Variants in PIK3C3 observed in about 807,000 individuals in gnomAD.
PIK3C3 encodes the protein phosphatidylinositol 3-kinase catalytic subunit type 3.
In PIK3C3, 95 loss-of-function variants were observed where a neutral mutation model predicts 126.1. The observed-to-expected ratio is 0.75, with a 90% CI of 0.64 to 0.89. The LOEUF (loss-of-function observed/expected upper bound fraction) is 0.89. Among genes scored for constraint, PIK3C3 ranks in the 40% least tolerant of loss-of-function variants. The probability of loss-of-function intolerance (pLI) is 0.00; values close to 1 mark genes in which losing one functional copy is unlikely to be tolerated. For synonymous variants in PIK3C3, 374 were observed against 360.0 expected (o/e 1.04, Z -0.44); for missense variants, 829 against 1,063.2 (o/e 0.78, Z 3.06).
At chr18:42,058,816 T>C (rs1017640198) in intron 22 of PIK3C3, among the ~76,000 whole-genome samples, 1 of 152,202 alleles carries the variant, frequency 6.6e-6, no homozygotes, top group Non-Finnish European at 1.5e-5. Flanking sequence ...AATGACAGGA[T>C]CATTTGACTC....
intron 21 of PIK3C3, among the ~76,000 whole-genome samples, chr18:42,055,457 C>G (rs1471710527): frequency 1.3e-5 from 2 of 151,888 alleles, no homozygotes; most frequent in African/African-American, 4.8e-5. Context: ...ATAGGTTTTG[C>G]TATAAGAATA....
chr18:42,074,151 A>C (rs1026094832), intron 24 of PIK3C3, among the ~76,000 whole-genome samples: 1 of 152,120 alleles, frequency 6.6e-6, no homozygotes, highest in Non-Finnish European at 1.5e-5. Context: ...AAATGTTTAG[A>C]TATACTTACA....
At chr18:42,050,411 T>G (rs1984750906) in intron 21 of PIK3C3, 2 of 152,226 alleles carry the variant, frequency 1.3e-5, no homozygotes, top group South Asian at 4.1e-4. Flanking sequence ...CTCAGTCCAT[T>G]TCATTAACTT....
chr18:42,011,149 G>A (rs1465601066), intron 10 of PIK3C3, among the ~76,000 whole-genome samples: 9 of 152,178 alleles, frequency 5.9e-5, no homozygotes, highest in East Asian at 1.9e-4. Flanking sequence ...TAGATGTAGC[G>A]TAATTCTTAA....
chr18:42,053,405 A>G (rs1056504065), intron 21 of PIK3C3, among the ~76,000 whole-genome samples: 1 of 152,148 alleles, frequency 6.6e-6, no homozygotes, highest in African/African-American at 2.4e-5. Flanking sequence ...CATAAATGTA[A>G]AAGTGTAGCG....
intron 6 of PIK3C3, among the ~76,000 whole-genome samples, chr18:41,990,884 G>A (rs1354608146): frequency 6.6e-6 from 1 of 152,112 alleles, no homozygotes; most frequent in Admixed American, 6.6e-5. Flanking sequence ...AAAATGAAAG[G>A]GGGAAATTAT....
intron 24 of PIK3C3, among the ~76,000 whole-genome samples, chr18:42,072,333 G>A (rs983587377): frequency 6.6e-6 from 1 of 152,096 alleles, no homozygotes; most frequent in African/African-American, 2.4e-5. Flanking sequence ...AAGACTAAGA[G>A]TTACTAGATA....
At chr18:42,023,660 C>T (rs537896345) in intron 13 of PIK3C3, among the ~76,000 whole-genome samples, 2 of 152,196 alleles carry the variant, frequency 1.3e-5, no homozygotes, top group South Asian at 4.1e-4. Flanking sequence ...ATAAACACTG[C>T]TTTTGTGAAT....
intron 4 of PIK3C3, among the ~76,000 whole-genome samples, chr18:41,974,213 G>T (rs1980805548): frequency 6.6e-6 from 1 of 152,086 alleles, no homozygotes; most frequent in African/African-American, 2.4e-5. Context: ...ATTAAGCAAA[G>T]AACTTCCACT....
chr18:42,008,189 T>C (rs1982640335), intron 10 of PIK3C3, among the ~76,000 whole-genome samples: 2 of 152,220 alleles, frequency 1.3e-5, no homozygotes, highest in Non-Finnish European at 2.9e-5. Context: ...ATTTTTTTAA[T>C]GGCTATTCTT....
In PIK3C3 at chr18:42,079,981, G is replaced by A. The variant is rs79065602; in HGVS notation, c.2650-1142G>A. Among the ~76,000 whole-genome samples the A allele has an allele frequency of 3.7e-3, 443 of 121,038 alleles. 3 individuals are homozygous for A. The highest frequency in any genetic ancestry group is 0.012 in the African/African-American group (389 of 33,224). The allele number at this position is 121,038 out of a possible 152,430, so 79.4% of individuals were successfully genotyped here. On this transcript the variant is annotated intron_variant, in intron 24 of 24. Transcript: ENST00000262039. ...TGTGTGTGTGTGTGTGTGTGTGTGT[G>A]TGTATGTAAGAGAGAGAGTGTGTGT...
At chr18:42,037,598 A>G (rs925230807) in intron 16 of PIK3C3, 94 bp from the exon 17 acceptor site, 51 of 1,136,752 alleles carry the variant, frequency 4.5e-5, no homozygotes, top group Non-Finnish European at 5.9e-5. Flanking sequence ...TTACCTGTGT[A>G]TTTATCTTAT....
At chr18:42,055,562 A>C (rs1985026105) in intron 21 of PIK3C3, among the ~76,000 whole-genome samples, 1 of 152,184 alleles carries the variant, frequency 6.6e-6, no homozygotes. Context: ...TTTTATGGAA[A>C]AAATGGTAAA....
intron 2 of PIK3C3, among the ~76,000 whole-genome samples, 165 bp downstream of exon 2, chr18:41,957,923 C>T (rs978519891): frequency 2.6e-5 from 4 of 152,140 alleles, no homozygotes; most frequent in African/African-American, 9.7e-5. Flanking sequence ...TTATGCATGT[C>T]AGTATTATAA....
Position 42,013,423 on chromosome 18 carries a change from A to C in PIK3C3, c.1171-19A>C, listed in dbSNP as rs755082645. 7.0e-7 allele frequency: 1 copy of C among 1,424,484 alleles called. No homozygotes were observed. The highest frequency in any genetic ancestry group is 9.4e-7 in the Non-Finnish European group (1 of 1,061,032). The allele number at this position is 1,424,484 out of a possible 1,614,324, so 88.2% of individuals were successfully genotyped here. ...TGCATTCTTTTCCTAATATTACTTTACTTTTTTTTGTTTTCCAGGATTTGT... is the reference window on the plus strand; with the variant it reads ...TGCATTCTTTTCCTAATATTACTTTCCTTTTTTTTGTTTTCCAGGATTTGT... On this transcript the variant is annotated intron_variant, in intron 10 of 24. Coordinates refer to ENST00000262039, the MANE Select transcript of PIK3C3 (RefSeq NM_002647.4).
chr18:41,955,644 T>C (rs1440341965), intron 1 of PIK3C3, among the ~76,000 whole-genome samples: 2 of 152,230 alleles, frequency 1.3e-5, no homozygotes, highest in African/African-American at 4.8e-5. Flanking sequence ...TTCAGCCTTT[T>C]GAGAGTTTAT....
chr18:41,977,091 G>T (rs930998743), intron 4 of PIK3C3, among the ~76,000 whole-genome samples: 2 of 152,174 alleles, frequency 1.3e-5, no homozygotes, highest in African/African-American at 2.4e-5. Flanking sequence ...TACACTGCAG[G>T]TCCTCAAGTA....
chr18:41,970,237 A>T, intron 3 of PIK3C3, 90 bp from the exon 4 acceptor site: 2 of 1,086,296 alleles, frequency 1.8e-6, no homozygotes, highest in Non-Finnish European at 2.8e-6. Flanking sequence ...ATTTCCATGT[A>T]TAGAATTCTC....
chr18:42,037,316 C>A (rs538147708), intron 16 of PIK3C3, among the ~76,000 whole-genome samples: 2 of 152,198 alleles, frequency 1.3e-5, no homozygotes, highest in Admixed American at 1.3e-4. Flanking sequence ...AGGCATGGTG[C>A]CAGACTATTG....
Sources: allele counts gnomAD v4.1 joint callset (sites outside exome capture counted in the v4.1 genomes callset), GRCh38; gene constraint gnomAD v4.1.1; transcripts MANE v1.5; gene names NCBI Gene and HGNC (gene_info 2026-07-23, HGNC 2026-07-21).